Variants in UBE3A observed in about 807,000 individuals in gnomAD.
UBE3A encodes the protein ubiquitin-protein ligase E3A.
Under a neutral mutation model 83.4 loss-of-function variants are expected in UBE3A, and 6 were observed. That is an observed-to-expected ratio of 0.07 (90% CI 0.04 to 0.14). UBE3A has a LOEUF of 0.14. Among genes scored for constraint, UBE3A ranks in the 10% least tolerant of loss-of-function variants. UBE3A has a pLI of 1.00. For missense variants in UBE3A, 456 were observed against 1,036.1 expected (o/e 0.44, Z 7.69); for synonymous variants, 337 against 355.4 (o/e 0.95, Z 0.58).
chr15:25,399,990 G>A (rs188939470), intron 4 of UBE3A, among the ~76,000 whole-genome samples: 2 of 152,126 alleles, frequency 1.3e-5, no homozygotes, highest in East Asian at 3.9e-4. Flanking sequence ...TGACAGCTTT[G>A]GCTATTTAGG....
intron 3 of UBE3A, 89 bp downstream of exon 3, chr15:25,408,999 T>C (rs1258173449): frequency 2.9e-6 from 4 of 1,372,412 alleles, no homozygotes; most frequent in Non-Finnish European, 4.0e-6. Flanking sequence ...GCAGTATTCC[T>C]GCCAACTATA....
intron 4 of UBE3A, among the ~76,000 whole-genome samples, chr15:25,397,855 T>C (rs1450427809): frequency 6.6e-6 from 1 of 152,090 alleles, no homozygotes; most frequent in Non-Finnish European, 1.5e-5. Context: ...ATCCCAATAC[T>C]CTAGGCCCCC....
intron 1 of UBE3A, among the ~76,000 whole-genome samples, chr15:25,430,886 G>A (rs892196961): frequency 6.6e-6 from 1 of 152,064 alleles, no homozygotes; most frequent in African/African-American, 2.4e-5. Context: ...GCCTAAAAGA[G>A]GGAATAAGAA....
intron 1 of UBE3A, among the ~76,000 whole-genome samples, chr15:25,428,411 G>C (rs1017912578): frequency 2.0e-5 from 3 of 151,938 alleles, no homozygotes; most frequent in African/African-American, 4.8e-5. Flanking sequence ...CAATCATAAA[G>C]AAAAAGACAT....
intron 4 of UBE3A, among the ~76,000 whole-genome samples, chr15:25,404,676 G>C (rs947212152): frequency 5.9e-5 from 9 of 152,120 alleles, no homozygotes; most frequent in Admixed American, 3.9e-4. Flanking sequence ...ATACACGTTT[G>C]ACAAACTTAC....
intron 1 of UBE3A, among the ~76,000 whole-genome samples, chr15:25,428,731 G>A (rs1892155900): frequency 6.6e-6 from 1 of 152,122 alleles, no homozygotes; most frequent in Non-Finnish European, 1.5e-5. Context: ...CCTCAAATTA[G>A]TAACTATTTT....
chr15:25,346,761 G>T (rs2075747914), intron 11 of UBE3A: 1 of 152,162 alleles, frequency 6.6e-6, no homozygotes. Context: ...GGGCTCAACA[G>T]TAGAGTGAAG....
In UBE3A at chr15:25,411,933, C is replaced by G. The variant is rs1375373806; in HGVS notation, c.-126G>C. The G allele has an allele frequency of 6.6e-6, 1 of 152,132 alleles. No individual in the cohort carries two copies. Among genetic ancestry groups the G allele is most frequent in the Non-Finnish European group, 1.5e-5 (1 of 68,024 alleles). 9.4% of individuals were successfully genotyped at this position (152,132 alleles called of 1,614,324 possible). A position where few individuals can be genotyped will look rare whatever the true frequency, so the allele number is the denominator to read the frequency against. On this transcript the variant is annotated 5_prime_UTR_variant, in exon 2 of 13. Coordinates refer to ENST00000648336, the MANE Select transcript of UBE3A (RefSeq NM_130839.5). Reference sequence around the variant, plus strand: ...CATATTTCGCCAAACTTCTGAGGAGCTGGTGAATTCTAAAATCAGGCTCTT... The same window carrying G: ...CATATTTCGCCAAACTTCTGAGGAGGTGGTGAATTCTAAAATCAGGCTCTT...
At chr15:25,425,689 C>T (rs532899114) in intron 1 of UBE3A, among the ~76,000 whole-genome samples, 1 of 152,054 alleles carries the variant, frequency 6.6e-6, no homozygotes, top group Admixed American at 6.5e-5. Context: ...TTCATTTCTT[C>T]TTATACTTAA....
chr15:25,384,707 G>T (rs922206271), intron 4 of UBE3A, among the ~76,000 whole-genome samples: 1 of 151,932 alleles, frequency 6.6e-6, no homozygotes, highest in African/African-American at 2.4e-5. Context: ...CTGAATAGCC[G>T]TAACAATCTG....
At chr15:25,405,600 T>TAC in intron 3 of UBE3A, 98 bp from the exon 4 acceptor site, 1 of 1,286,036 alleles carries the variant, frequency 7.8e-7, no homozygotes, top group South Asian at 1.2e-5. Flanking sequence ...AAACAAGATT[T>TAC]AAGCACTAAA....
In UBE3A at chr15:25,378,305, G is replaced by T. The variant is rs189333326; in HGVS notation, c.63-2542C>A. Among the ~76,000 whole-genome samples the T allele has an allele frequency of 5.3e-5, 8 of 152,214 alleles. No homozygotes were observed. In the East Asian group the frequency reaches 1.5e-3, roughly 29 times the overall value. ...CAAACAGAACGAGACTGAAAAATCA[G>T]AAGATCTGCATTAAGTGTCATCCTT... is the stretch of plus-strand genomic sequence containing the variant. On this transcript the variant is annotated intron_variant, in intron 4 of 12. Transcript: ENST00000648336.
At chr15:25,362,892 C>T (rs2078350892) in intron 6 of UBE3A, among the ~76,000 whole-genome samples, 1 of 151,978 alleles carries the variant, frequency 6.6e-6, no homozygotes, top group Admixed American at 6.6e-5. Context: ...TAATGTATTC[C>T]AAAGTGGGGA....
intron 12 of UBE3A, 173 bp from the exon 13 acceptor site, chr15:25,339,430 C>A: frequency 1.4e-6 from 1 of 705,792 alleles, no homozygotes; most frequent in Non-Finnish European, 2.2e-6. Flanking sequence ...TGCCTTTATC[C>A]TATAAATTAC....
intron 1 of UBE3A, among the ~76,000 whole-genome samples, chr15:25,433,940 G>T (rs1175407169): frequency 1.3e-5 from 2 of 152,022 alleles, no homozygotes; most frequent in Non-Finnish European, 2.9e-5. Context: ...AGGCATGGTG[G>T]CATATGCTAA....
intron 1 of UBE3A, 133 bp from the exon 2 acceptor site, chr15:25,412,104 GA>G (rs1343432042): frequency 6.6e-6 from 1 of 152,120 alleles, no homozygotes; most frequent in Non-Finnish European, 1.5e-5. Context: ...AACGTATCAA[GA>G]AACAAATTAC....
chr15:25,397,729 G>A (rs1320132073), intron 4 of UBE3A, among the ~76,000 whole-genome samples: 4 of 151,948 alleles, frequency 2.6e-5, no homozygotes, highest in African/African-American at 4.8e-5. Flanking sequence ...TCATCTAACC[G>A]AATGCCTTCT....
intron 4 of UBE3A, among the ~76,000 whole-genome samples, chr15:25,393,132 C>G (rs1014801175): frequency 6.6e-6 from 1 of 151,942 alleles, no homozygotes; most frequent in African/African-American, 2.4e-5. Context: ...GGCAAGCAAT[C>G]CAGTTAGGTA....
chr15:25,402,348 G>T (rs908553753), intron 4 of UBE3A, among the ~76,000 whole-genome samples: 2 of 152,222 alleles, frequency 1.3e-5, no homozygotes, highest in Non-Finnish European at 2.9e-5. Context: ...CTGAACCTTG[G>T]ATCTGCAAGG....
Sources: gnomAD v4.1 joint callset for allele counts (sites outside exome capture counted in the v4.1 genomes callset) on GRCh38, gnomAD v4.1.1 for gene constraint, MANE v1.5 for transcripts, NCBI Gene and HGNC (gene_info 2026-07-23, HGNC 2026-07-21) for gene names.